The following SOX30 variants were observed in gnomAD, a reference collection of about 807,000 sequenced individuals.
The protein encoded by SOX30 is SRY-box transcription factor 30.
Under a neutral mutation model 58.6 loss-of-function variants are expected in SOX30, and 17 were observed. That is an observed-to-expected ratio of 0.29 (90% CI 0.20 to 0.44). The LOEUF (loss-of-function observed/expected upper bound fraction) is 0.44. Among genes scored for constraint, SOX30 ranks in the 20% least tolerant of loss-of-function variants. The probability of loss-of-function intolerance (pLI) is 1.00; values close to 1 mark genes in which losing one functional copy is unlikely to be tolerated. For synonymous variants in SOX30, 421 were observed against 400.2 expected (o/e 1.05, Z -0.62); for missense variants, 951 against 965.8 (o/e 0.98, Z 0.20).
At chr5:157,648,493 G>C (rs1199013716) in intron 2 of SOX30, among the ~76,000 whole-genome samples, 164 bp downstream of exon 2, 2 of 152,092 alleles carry the variant, frequency 1.3e-5, no homozygotes, top group African/African-American at 4.8e-5. Flanking sequence ...GGAAACTCAT[G>C]CCCAGTGTCA....
intron 4 of SOX30, 32 bp downstream of exon 4, chr5:157,638,198 T>A: frequency 6.6e-7 from 1 of 1,503,942 alleles, no homozygotes; most frequent in Non-Finnish European, 8.9e-7. Context: ...TAGCTGAATG[T>A]TTAGGTAAAA....
In SOX30 at chr5:157,652,187, C is replaced by T. The variant is rs1759374129; in HGVS notation, c.-109G>A. 9.0e-6 allele frequency: 12 copies of T among 1,336,092 alleles called. No individual in the cohort carries two copies. Among genetic ancestry groups the T allele is most frequent in the Non-Finnish European group, 1.1e-5 (12 of 1,051,510 alleles). The allele number at this position is 1,336,092 out of a possible 1,614,324, so 82.8% of individuals were successfully genotyped here. On this transcript the variant is annotated 5_prime_UTR_variant, in exon 1 of 5. Transcript: ENST00000265007. ...TGCAAGGCCTTTGCTACCCAGAACC[C>T]TACGCGGTTCAAAACGCAGCTGTCT...
exon 1 of SOX30, chr5:157,671,452 G>A: frequency 1.6e-6 from 1 of 620,454 alleles, no homozygotes; most frequent in East Asian, 2.9e-5. Flanking sequence ...ATGTCCAACA[G>A]CCCCCGTCCC....
intron 1 of SOX30, among the ~76,000 whole-genome samples, chr5:157,670,643 G>A (rs1759761039): frequency 6.6e-6 from 1 of 151,952 alleles, no homozygotes; most frequent in Admixed American, 6.6e-5. Flanking sequence ...GGAGAGGGAG[G>A]GGAGAAAAAA....
At chr5:157,665,600 AAAAATAAAAT>A (rs367549924) in intron 2 of SOX30, among the ~76,000 whole-genome samples, 4 of 149,008 alleles carry the variant, frequency 2.7e-5, no homozygotes, top group African/African-American at 7.3e-5. Context: ...AAGTATAATA[AAAAATAAAAT>A]AAAATAAAAT....
In SOX30 at chr5:157,626,508, G is replaced by C; in HGVS notation, c.2094C>G (p.Asn698Lys). The change falls in exon 5 of 5, where the codon AAC (asparagine) becomes AAG (lysine). Residue 698 changes from asparagine to lysine, a missense_variant. This residue lies in a region of SOX30 where 381 missense variants were observed against 390.0 expected (regional missense o/e 0.98). Transcript: ENST00000265007. ...TTTCTTCCCCACTGTGGCTATGACT[G>C]TTATAGTAAGAAGTTCCATTCATGT... ...CENMNGTSYY[N>K]SHSHSGEENL... 1 of 1,614,166 alleles carries C rather than the reference G, an allele frequency of 6.2e-7. No homozygotes were observed. The highest frequency in any genetic ancestry group is 1.6e-4 in the Middle Eastern group (1 of 6,062).
intron 3 of SOX30, among the ~76,000 whole-genome samples, chr5:157,640,843 C>T (rs1475199788): frequency 6.6e-6 from 1 of 152,198 alleles, no homozygotes; most frequent in African/African-American, 2.4e-5. Flanking sequence ...ACACCCTGCA[C>T]TCCACCTCGC....
At position 157,666,610 on chromosome 5, in the gene SOX30, G is replaced by A. The variant is rs140454106; in HGVS notation, c.52+1188C>T. Among the ~76,000 whole-genome samples the A allele has an allele frequency of 7.3e-5, 11 of 151,530 alleles. No homozygotes were observed. In the East Asian group the frequency reaches 2.1e-3, roughly 29 times the overall value. On this transcript the variant is annotated intron_variant, in intron 2 of 5. Transcript: ENST00000519442. The stretch of plus-strand genomic sequence containing the variant: ...ATATTAACATTTATTGAGCACTCAT[G>A]TGCCAGGTATAAGGCCCAGCTCTTT...
upstream of SOX30, chr5:157,652,539 G>T: frequency 4.6e-6 from 1 of 216,672 alleles, no homozygotes; most frequent in Non-Finnish European, 7.9e-6. Flanking sequence ...CGCTCTGTGC[G>T]GCCTGAGTAA....
rs1759327116 is a variant in SOX30, at chr5:157,651,303, C to T, written c.776G>A (p.Arg259Lys). 5.6e-6 allele frequency: 9 copies of T among 1,614,018 alleles called. No individual in the cohort carries two copies. The highest frequency in any genetic ancestry group is 7.6e-6 in the Non-Finnish European group (9 of 1,180,040). The change falls in exon 1 of 5, where the codon AGG becomes AAG. Residue 259 changes from arginine (R) to lysine (K), a missense_variant. Coordinates refer to ENST00000265007, the MANE Select transcript of SOX30 (RefSeq NM_178424.2). Reference sequence around the variant, plus strand: ...GACCGTGTGGAGCGTCAAAGGGATCCTAAGGTCTTGCTGGTGCGGCCCAAA... The same window carrying T: ...GACCGTGTGGAGCGTCAAAGGGATCTTAAGGTCTTGCTGGTGCGGCCCAAA... Reference protein sequence around the residue: ...GAFGPHQQDLRIPLTLHTVPP... With the variant: ...GAFGPHQQDLKIPLTLHTVPP...
chr5:157,656,477 A>G (rs988016978), upstream of SOX30, among the ~76,000 whole-genome samples: 10 of 152,314 alleles, frequency 6.6e-5, no homozygotes, highest in African/African-American at 2.2e-4. Context: ...TAGAGTCTAG[A>G]TAAGGCCTGG....
intron 2 of SOX30, among the ~76,000 whole-genome samples, chr5:157,664,142 C>G (rs1759624661): frequency 6.6e-6 from 1 of 151,540 alleles, no homozygotes; most frequent in African/African-American, 2.4e-5. Flanking sequence ...CCAAGACAAT[C>G]CTAAGCCAAA....
In SOX30 at chr5:157,646,688, T is replaced by C. The variant is rs143957878; in HGVS notation, c.1336A>G (p.Thr446Ala). 1.1e-5 allele frequency: 18 copies of C among 1,613,490 alleles called. No individual in the cohort carries two copies. The African/African-American group carries it at 2.4e-4, about 22-fold the overall frequency. The change falls in exon 3 of 5, where the codon ACG becomes GCG. Residue 446 changes from threonine to alanine, a missense_variant. By Grantham distance (58) the Thr-to-Ala change is moderately conservative (BLOSUM62 0). Around this residue, in one of 7 missense-constraint regions of SOX30, gnomAD observed 381 missense variants for 390.0 expected, o/e 0.98. Coordinates refer to ENST00000265007, the MANE Select transcript of SOX30 (RefSeq NM_178424.2). ...PTTVYPYRSP[T>A]YSVVIPSLQN... Reference sequence around the variant, plus strand: ...AGGCTGGGAATTACCACAGAGTACGTAGGTGAGCGGTAAGGATAAACTGTT... The same window carrying C: ...AGGCTGGGAATTACCACAGAGTACGCAGGTGAGCGGTAAGGATAAACTGTT...
At chr5:157,635,147 G>A (rs1436026034) in intron 4 of SOX30, among the ~76,000 whole-genome samples, 8 of 152,108 alleles carry the variant, frequency 5.3e-5, no homozygotes, top group Admixed American at 3.9e-4. Flanking sequence ...TAATTGATAA[G>A]GCTAGTCTTC....
Position 157,648,649 on chromosome 5 carries a change from T to G in SOX30, c.1207+8A>C. On this transcript the variant is annotated splice_region_variant and intron_variant, in intron 2 of 4. Coordinates refer to ENST00000265007, the MANE Select transcript of SOX30 (RefSeq NM_178424.2). ...AAAGAAGTAAGAGGCATTATTTAAT[T>G]TGATTACCAGGAAATTCCTCTCTGT... is the stretch of plus-strand genomic sequence containing the variant. The G allele has an allele frequency of 6.2e-7, 1 of 1,609,518 alleles. No homozygotes were observed. Among genetic ancestry groups the G allele is most frequent in the Non-Finnish European group, 8.5e-7 (1 of 1,177,078 alleles).
intron 3 of SOX30, among the ~76,000 whole-genome samples, chr5:157,642,689 A>C (rs1759097585): frequency 6.6e-6 from 1 of 152,174 alleles, no homozygotes; most frequent in African/African-American, 2.4e-5. Flanking sequence ...AACAACAACA[A>C]AACCTTCAAA....
chr5:157,627,091 C>T lies in SOX30; in HGVS notation c.1881-370G>A, dbSNP rs140315146. ...AGAATTGACACTCAGTGGTTGGGCG[C>T]GGTGGCTCACGCCTGTAATCCCAAC... On this transcript the variant is annotated intron_variant, in intron 4 of 4. Coordinates refer to ENST00000265007, the MANE Select transcript of SOX30 (RefSeq NM_178424.2). 1.4e-3 allele frequency among the ~76,000 whole-genome samples: 217 copies of T among 152,306 alleles called. 2 individuals carry two copies. Among genetic ancestry groups the T allele is most frequent in the African/African-American group, 3.9e-3 (164 of 41,560 alleles).
At chr5:157,655,337 T>G (rs1385127966), upstream of SOX30, among the ~76,000 whole-genome samples, 3 of 152,170 alleles carry the variant, frequency 2.0e-5, no homozygotes, top group Non-Finnish European at 2.9e-5. Context: ...GGATAAGTGG[T>G]GGGGTACCCA....
At chr5:157,661,835 G>C (rs557039551) in intron 2 of SOX30, among the ~76,000 whole-genome samples, 1 of 152,194 alleles carries the variant, frequency 6.6e-6, no homozygotes, top group East Asian at 1.9e-4. Flanking sequence ...ATTTTCTTGT[G>C]ATATCTTTGT....
Sources: allele counts gnomAD v4.1 joint callset (sites outside exome capture counted in the v4.1 genomes callset), GRCh38; gene constraint gnomAD v4.1.1; regional missense constraint gnomAD v4.1.1; transcripts MANE v1.5; gene names NCBI Gene and HGNC (gene_info 2026-07-23, HGNC 2026-07-21).